Variants in MAN2A1 observed in about 807,000 individuals in gnomAD.
MAN2A1 encodes alpha-mannosidase 2.
A neutral mutation model predicts 142.6 loss-of-function variants in MAN2A1; 76 were observed. That is an observed-to-expected ratio of 0.53 (90% CI 0.44 to 0.65). MAN2A1 has a LOEUF of 0.65. Ranked by LOEUF, MAN2A1 falls within the 30% of genes least tolerant of loss-of-function variation. The pLI is 0.00. For missense variants in MAN2A1, 1,311 were observed against 1,365.1 expected, an observed-to-expected ratio of 0.96 and a Z score of 0.62; for synonymous variants, 559 against 473.2, an observed-to-expected ratio of 1.18 and a Z score of -2.35.
chr5:109,732,494 A>G (rs1751944671), intron 4 of MAN2A1, among the ~76,000 whole-genome samples: 1 of 152,152 alleles, frequency 6.6e-6, no homozygotes, highest in Non-Finnish European at 1.5e-5. Flanking sequence ...TTATGATTTT[A>G]GGTCTAACGT....
intron 5 of MAN2A1, among the ~76,000 whole-genome samples, chr5:109,759,950 TATATATATATATATAG>T (rs1474261726): frequency 5.7e-5 from 2 of 35,234 alleles, no homozygotes; most frequent in South Asian, 2.1e-3. Context: ...ATTGTTGCTA[TATATATATATATATAG>T]ATAGATAGAT....
intron 4 of MAN2A1, among the ~76,000 whole-genome samples, chr5:109,743,401 G>T (rs1004648536): frequency 6.6e-6 from 1 of 152,138 alleles, no homozygotes; most frequent in Non-Finnish European, 1.5e-5. Context: ...AGCCAATCCT[G>T]TAGCATTCTC....
rs1040511378 is a variant in MAN2A1 at position 109,869,435 on chromosome 5, T to G, written c.*2437T>G. On this transcript the variant is annotated 3_prime_UTR_variant, in exon 22 of 22. Coordinates refer to ENST00000261483, the MANE Select transcript of MAN2A1 (RefSeq NM_002372.4). ...GTGATGTAAAACATTATCATGATCTTCCCATGCCTTTGTTGTACTTGTGCC... is the reference window on the plus strand; with the variant it reads ...GTGATGTAAAACATTATCATGATCTGCCCATGCCTTTGTTGTACTTGTGCC... 1 of 152,220 alleles carries G rather than the reference T, an allele frequency of 6.6e-6. No homozygotes were observed. Among genetic ancestry groups the G allele is most frequent in the Non-Finnish European group, 1.5e-5 (1 of 68,040 alleles). The allele number at this position is 152,220 out of a possible 1,614,324, so 9.4% of individuals were successfully genotyped here.
At chr5:109,779,578 CACACAA>C (rs1341058316) in intron 8 of MAN2A1, among the ~76,000 whole-genome samples, 824 of 81,636 alleles carry the variant, frequency 0.01, 6 homozygotes, top group African/African-American at 0.027. Flanking sequence ...CACACACACA[CACACAA>C]ACACACACAG....
chr5:109,864,422 A>G (rs939882509), intron 20 of MAN2A1: 1 of 152,198 alleles, frequency 6.6e-6, no homozygotes, highest in African/African-American at 2.4e-5. Context: ...TTGCCTGCCT[A>G]TCAACAATAG....
Position 109,690,375 on chromosome 5 carries a change from T to G in MAN2A1, c.-43T>G. ...CTAGAGTCCACAGTGCGCTGTCTCC[T>G]TTGGCTGAGGAGAGTGTCCTGGCCC... On this transcript the variant is annotated 5_prime_UTR_variant, in exon 1 of 22. Transcript: ENST00000261483. 1 of 1,612,690 alleles carries G rather than the reference T, an allele frequency of 6.2e-7. No individual in the cohort carries two copies. The highest frequency in any genetic ancestry group is 8.5e-7 in the Non-Finnish European group (1 of 1,178,766).
At chr5:109,854,886 T>G (rs866144030) in intron 19 of MAN2A1, 9 of 306,902 alleles carry the variant, frequency 2.9e-5, no homozygotes, top group African/African-American at 1.5e-4. Flanking sequence ...AGGAAATGTT[T>G]TCAGTATTTT....
At chr5:109,768,393 T>C (rs1753051825) in intron 6 of MAN2A1, among the ~76,000 whole-genome samples, 1 of 152,182 alleles carries the variant, frequency 6.6e-6, no homozygotes, top group South Asian at 2.1e-4. Flanking sequence ...TTAATCTTTT[T>C]AATATTATTC....
intron 5 of MAN2A1, among the ~76,000 whole-genome samples, chr5:109,758,878 C>A (rs551091773): frequency 6.6e-6 from 1 of 151,982 alleles, no homozygotes; most frequent in African/African-American, 2.4e-5. Flanking sequence ...ATTGTCCTGG[C>A]ACACTTGTTA....
intron 3 of MAN2A1, 101 bp downstream of exon 3, chr5:109,716,365 A>G: frequency 1.1e-6 from 1 of 889,714 alleles, no homozygotes; most frequent in South Asian, 1.9e-5. Flanking sequence ...AATTTTTGAG[A>G]CATTATTCTC....
Position 109,853,297 on chromosome 5 carries a change from G to A in MAN2A1, c.2977-1843G>A, listed in dbSNP as rs199631566. 1.7e-4 allele frequency among the ~76,000 whole-genome samples: 26 copies of A among 152,230 alleles called. 1 individual carries two copies. The East Asian group carries it at 4.8e-3, about 28-fold the overall frequency. On this transcript the variant is annotated intron_variant, in intron 19 of 21. Coordinates refer to ENST00000261483, the MANE Select transcript of MAN2A1 (RefSeq NM_002372.4). ...TAACTCCATGAAATTCACCTGGGGA[G>A]GCTTTTCAGCTTTGCATTTTCAGGA... is the stretch of plus-strand genomic sequence containing the variant.
In MAN2A1 at chr5:109,750,759, T is replaced by A. The variant is rs542899520; in HGVS notation, c.708-4570T>A. The stretch of plus-strand genomic sequence containing the variant: ...CTTGGCATTTTCTTATGAGCTGGTT[T>A]TAAGTCACTCTGATTGAGTCTTAAA... On this transcript the variant is annotated intron_variant, in intron 4 of 21. Transcript: ENST00000261483. Among the ~76,000 whole-genome samples, 92 of 152,144 alleles carry A rather than the reference T, an allele frequency of 6.0e-4. 1 individual carries two copies. The highest frequency in any genetic ancestry group is 3.5e-3 in the Admixed American group (53 of 15,272).
chr5:109,707,464 G>A lies in MAN2A1; in HGVS notation c.136-6056G>A, dbSNP rs995989054. ...GGTAGGCATCAGGGTACAGTACATTGAGTAAAACAGCTATGGTGCCTGTTG... is the reference window on the plus strand; with the variant it reads ...GGTAGGCATCAGGGTACAGTACATTAAGTAAAACAGCTATGGTGCCTGTTG... On this transcript the variant is annotated intron_variant, in intron 1 of 21. Transcript: ENST00000261483. 2.0e-5 allele frequency among the ~76,000 whole-genome samples: 3 copies of A among 152,164 alleles called. No homozygotes were observed. The East Asian group carries it at 5.8e-4, about 30-fold the overall frequency.
chr5:109,861,289 G>T (rs1755748649), intron 20 of MAN2A1, among the ~76,000 whole-genome samples: 1 of 152,184 alleles, frequency 6.6e-6, no homozygotes. Flanking sequence ...ACAAGTAAAG[G>T]TTCTCACCTG....
At chr5:109,751,946 ACTC>A (rs1237492667) in intron 4 of MAN2A1, among the ~76,000 whole-genome samples, 1 of 151,376 alleles carries the variant, frequency 6.6e-6, no homozygotes, top group Non-Finnish European at 1.5e-5. Flanking sequence ...TCTTAAACTT[ACTC>A]TTCTTTTTCA....
At position 109,715,720 on chromosome 5, in the gene MAN2A1, A is replaced by G. The variant is rs149217838; in HGVS notation, c.391-400A>G. Among the ~76,000 whole-genome samples, 409 of 152,332 alleles carry G rather than the reference A, an allele frequency of 2.7e-3. 1 individual carries two copies. Among genetic ancestry groups the G allele is most frequent in the Non-Finnish European group, 3.5e-3 (237 of 68,026 alleles). On this transcript the variant is annotated intron_variant, in intron 2 of 21. Transcript: ENST00000261483. ...ATTTACTATAAAATAAAGATAGCAC[A>G]AAGTAAAATATCATTTTCAGAACTG...
chr5:109,745,440 T>A (rs929411317), intron 4 of MAN2A1, among the ~76,000 whole-genome samples: 1 of 152,148 alleles, frequency 6.6e-6, no homozygotes, highest in Non-Finnish European at 1.5e-5. Context: ...ATCAAGGTAG[T>A]GAGTTTTTAA....
intron 4 of MAN2A1, among the ~76,000 whole-genome samples, chr5:109,741,438 T>A (rs1752264380): frequency 6.6e-6 from 1 of 152,234 alleles, no homozygotes; most frequent in African/African-American, 2.4e-5. Flanking sequence ...ATTTAAATTC[T>A]GAGCTTGTAC....
At chr5:109,734,047 A>G (rs999774946) in intron 4 of MAN2A1, among the ~76,000 whole-genome samples, 7 of 151,970 alleles carry the variant, frequency 4.6e-5, no homozygotes, top group Non-Finnish European at 8.8e-5. Context: ...AGCTCCTGTT[A>G]TTGGTCTATT....
Sources: allele counts gnomAD v4.1 joint callset (sites outside exome capture counted in the v4.1 genomes callset), GRCh38; gene constraint gnomAD v4.1.1; transcripts MANE v1.5; gene names NCBI Gene and HGNC (gene_info 2026-07-23, HGNC 2026-07-21).